The following FHIT variants were observed in gnomAD, a reference collection of about 807,000 sequenced individuals.
FHIT encodes the protein bis(5'-adenosyl)-triphosphatase.
A neutral mutation model predicts 17.9 loss-of-function variants in FHIT; 19 were observed. That is an observed-to-expected ratio of 1.06 (90% CI 0.74 to 1.56). The LOEUF is 1.56. FHIT is among the 40% of genes most tolerant of loss of function. The probability of loss-of-function intolerance (pLI) is 0.00; values close to 1 mark genes in which losing one functional copy is unlikely to be tolerated. For missense variants in FHIT, 248 were observed against 189.2 expected, an observed-to-expected ratio of 1.31 and a Z score of -1.82; for synonymous variants, 81 against 69.7, an observed-to-expected ratio of 1.16 and a Z score of -0.81.
intron 4 of FHIT, among the ~76,000 whole-genome samples, chr3:60,639,719 G>A (rs184876551): frequency 6.6e-6 from 1 of 152,288 alleles, no homozygotes; most frequent in East Asian, 1.9e-4. Flanking sequence ...TATTTGGGCA[G>A]ATTAAAAATT....
intron 5 of FHIT, among the ~76,000 whole-genome samples, chr3:60,525,513 G>A (rs1281612227): frequency 6.6e-6 from 1 of 152,096 alleles, no homozygotes; most frequent in Non-Finnish European, 1.5e-5. Context: ...GTGGGAGAAA[G>A]ACGTGCTACC....
At chr3:60,692,082 A>T (rs1368647409) in intron 4 of FHIT, among the ~76,000 whole-genome samples, 1 of 152,136 alleles carries the variant, frequency 6.6e-6, no homozygotes, top group African/African-American at 2.4e-5. Flanking sequence ...CTTATATCCT[A>T]ATTTCCATCC....
At chr3:61,092,502 A>AAT (rs111254876) in intron 2 of FHIT, among the ~76,000 whole-genome samples, 12,015 of 149,408 alleles carry the variant, frequency 0.08, 544 homozygotes, top group Middle Eastern at 0.16. Flanking sequence ...GTCCCTTAAA[A>AAT]ATATATATAT....
intron 4 of FHIT, among the ~76,000 whole-genome samples, chr3:60,674,235 T>G (rs782726600): frequency 2.0e-5 from 3 of 152,176 alleles, no homozygotes; most frequent in Non-Finnish European, 4.4e-5. Context: ...TGCAGTTCTA[T>G]AATATAGATT....
intron 5 of FHIT, among the ~76,000 whole-genome samples, chr3:60,204,577 C>T (rs1703078543): frequency 6.7e-6 from 1 of 149,084 alleles, no homozygotes; most frequent in Non-Finnish European, 1.5e-5. Context: ...AGGGGTGAGC[C>T]ACCCTTCCCA....
rs374183243 is a variant in FHIT, at chr3:60,229,907, A to G, written c.104-215755T>C. 1.7e-4 allele frequency among the ~76,000 whole-genome samples: 26 copies of G among 152,244 alleles called. 1 individual carries two copies. Among genetic ancestry groups the G allele is most frequent in the African/African-American group, 6.0e-4 (25 of 41,556 alleles). Reference sequence around the variant, plus strand: ...TGTGGCAGGAGGACAGCTTGAGCCCAAGACTTTGAGGCTGCAGTGAGCTAT... The same window carrying G: ...TGTGGCAGGAGGACAGCTTGAGCCCGAGACTTTGAGGCTGCAGTGAGCTAT... On this transcript the variant is annotated intron_variant, in intron 5 of 9. Coordinates refer to ENST00000492590, the MANE Select transcript of FHIT (RefSeq NM_002012.4).
At chr3:59,985,124 G>C (rs747932821) in intron 7 of FHIT, among the ~76,000 whole-genome samples, 10 of 152,136 alleles carry the variant, frequency 6.6e-5, no homozygotes, top group Non-Finnish European at 1.3e-4. Context: ...AGAGTTGCCT[G>C]CTCTAACTCT....
At chr3:60,184,704 A>G (rs1702088102) in intron 5 of FHIT, among the ~76,000 whole-genome samples, 1 of 152,166 alleles carries the variant, frequency 6.6e-6, no homozygotes, top group Non-Finnish European at 1.5e-5. Flanking sequence ...TGTGGCCGAC[A>G]TTTAAGATGT....
chr3:60,823,610 C>T (rs562665967), intron 3 of FHIT, among the ~76,000 whole-genome samples: 3 of 152,256 alleles, frequency 2.0e-5, no homozygotes, highest in Admixed American at 2.0e-4. Context: ...GAAAGATTCC[C>T]CTGCAGATTT....
chr3:59,842,756 A>AT (rs1256667525), intron 8 of FHIT, among the ~76,000 whole-genome samples: 1 of 151,944 alleles, frequency 6.6e-6, no homozygotes, highest in East Asian at 1.9e-4. Flanking sequence ...TGAATCAGTG[A>AT]TTTTTGTTGT....
At chr3:60,754,772 C>T (rs537667025) in intron 4 of FHIT, among the ~76,000 whole-genome samples, 1 of 152,276 alleles carries the variant, frequency 6.6e-6, no homozygotes, top group South Asian at 2.1e-4. Flanking sequence ...ACCCTTTCTA[C>T]ACTCATAGGC....
chr3:60,433,542 A>G (rs78225966), intron 5 of FHIT, among the ~76,000 whole-genome samples: 7,807 of 152,146 alleles, frequency 0.051, 253 homozygotes, highest in Middle Eastern at 0.11. Flanking sequence ...ACTGTTTAGA[A>G]GGATTCCAAT....
At chr3:60,270,202 G>A (rs748154642) in intron 5 of FHIT, among the ~76,000 whole-genome samples, 1 of 152,130 alleles carries the variant, frequency 6.6e-6, no homozygotes, top group Admixed American at 6.6e-5. Context: ...AGCACAGAAG[G>A]CAGCAAACAG....
intron 4 of FHIT, among the ~76,000 whole-genome samples, chr3:60,693,884 G>A (rs149327949): frequency 3.9e-5 from 6 of 152,280 alleles, no homozygotes; most frequent in African/African-American, 1.4e-4. Context: ...TAGCTCTTTA[G>A]CTACACCAGC....
At chr3:60,388,383 TGAGTCCAG>T (rs1465849699) in intron 5 of FHIT, among the ~76,000 whole-genome samples, 1 of 152,106 alleles carries the variant, frequency 6.6e-6, no homozygotes, top group Non-Finnish European at 1.5e-5. Flanking sequence ...GCAGACTGCT[TGAGTCCAG>T]GAGTACGAGA....
At chr3:59,835,878 C>T (rs1334388912) in intron 8 of FHIT, among the ~76,000 whole-genome samples, 3 of 152,056 alleles carry the variant, frequency 2.0e-5, no homozygotes, top group Non-Finnish European at 4.4e-5. Context: ...CGGTACATTA[C>T]TAAAGAAATA....
chr3:61,062,688 T>C (rs1427811402), intron 2 of FHIT, among the ~76,000 whole-genome samples: 2 of 152,262 alleles, frequency 1.3e-5, no homozygotes, highest in African/African-American at 2.4e-5. Context: ...TGAATAGAAA[T>C]GAGCAAATCT....
At chr3:60,004,026 G>C (rs1015052664) in intron 7 of FHIT, among the ~76,000 whole-genome samples, 4 of 152,052 alleles carry the variant, frequency 2.6e-5, no homozygotes, top group Non-Finnish European at 5.9e-5. Flanking sequence ...GCAGAGTAGT[G>C]CTCCTTCAAT....
intron 5 of FHIT, among the ~76,000 whole-genome samples, chr3:60,357,486 C>G (rs1699723117): frequency 6.6e-6 from 1 of 152,120 alleles, no homozygotes; most frequent in South Asian, 2.1e-4. Context: ...TTCAGGTGAT[C>G]CACCTGCCTC....
Sources: gnomAD v4.1 joint callset for allele counts (sites outside exome capture counted in the v4.1 genomes callset) on GRCh38, gnomAD v4.1.1 for gene constraint, MANE v1.5 for transcripts, NCBI Gene and HGNC (gene_info 2026-07-23, HGNC 2026-07-21) for gene names.